COL24A1: variants seen among roughly 807,000 people sequenced by gnomAD.
COL24A1 encodes the protein collagen alpha-1(XXIV) chain.
A neutral mutation model predicts 253.9 loss-of-function variants in COL24A1; 224 were observed. That is an observed-to-expected ratio of 0.88 (90% CI 0.79 to 0.99). The LOEUF (loss-of-function observed/expected upper bound fraction) is 0.99, where lower values mean the gene tolerates loss of function less well. Ranked by LOEUF, COL24A1 falls within the 50% of genes least tolerant of loss-of-function variation. COL24A1 has a pLI of 0.00. For synonymous variants in COL24A1, 685 were observed against 673.7 expected (o/e 1.02, Z -0.26); for missense variants, 2,131 against 2,068.5 (o/e 1.03, Z -0.59).
intron 5 of COL24A1, among the ~76,000 whole-genome samples, chr1:86,107,962 A>C (rs1338739505): frequency 6.6e-6 from 1 of 152,064 alleles, no homozygotes; most frequent in Non-Finnish European, 1.5e-5. Flanking sequence ...CAAGAGGCCT[A>C]AGTTTTTGCA....
At chr1:85,867,510 A>AT (rs1679923872) in intron 37 of COL24A1, among the ~76,000 whole-genome samples, 1 of 152,194 alleles carries the variant, frequency 6.6e-6, no homozygotes, top group Non-Finnish European at 1.5e-5. Flanking sequence ...AAGAGAAACC[A>AT]TTTTCTGGTA....
At chr1:85,902,843 G>A (rs1684451176) in intron 28 of COL24A1, among the ~76,000 whole-genome samples, 1 of 152,174 alleles carries the variant, frequency 6.6e-6, no homozygotes, top group Non-Finnish European at 1.5e-5. Context: ...TTCAATAACA[G>A]AGTAGGGTGA....
intron 58 of COL24A1, chr1:85,736,235 C>T: frequency 2.2e-6 from 1 of 450,962 alleles, no homozygotes; most frequent in Non-Finnish European, 4.5e-6. Context: ...ACCCCAGTCC[C>T]TGATTCCAAG....
chr1:85,911,116 A>G (rs537837726), intron 25 of COL24A1, among the ~76,000 whole-genome samples: 1 of 152,138 alleles, frequency 6.6e-6, no homozygotes, highest in East Asian at 1.9e-4. Flanking sequence ...GTCGATTTAC[A>G]TAATATTTTC....
Position 85,971,339 on chromosome 1 carries a change from C to A in COL24A1, c.2418+1G>T, listed in dbSNP as rs1330918368. On this transcript the variant is annotated splice_donor_variant, in intron 21 of 59. Coordinates refer to ENST00000370571, the MANE Select transcript of COL24A1 (RefSeq NM_152890.7). LOFTEE classifies it high-confidence loss of function. ...CTGACTGGATATCACTTCTTCCATACCTGAGTTCCTTTGAGACCAGGAGGT... is the reference window on the plus strand; with the variant it reads ...CTGACTGGATATCACTTCTTCCATAACTGAGTTCCTTTGAGACCAGGAGGT... 5 of 1,611,926 alleles carry A rather than the reference C, an allele frequency of 3.1e-6. No homozygotes were observed. Among genetic ancestry groups the A allele is most frequent in the Non-Finnish European group, 4.2e-6 (5 of 1,179,152 alleles).
At chr1:86,019,856 C>CATTT (rs71078635) in intron 18 of COL24A1, among the ~76,000 whole-genome samples, 13,947 of 151,968 alleles carry the variant, frequency 0.092, 854 homozygotes, top group Non-Finnish European at 0.13. Flanking sequence ...ACATCATTAG[C>CATTT]ATTTATTGTG....
chr1:85,867,073 A>G (rs1679876609), intron 37 of COL24A1, among the ~76,000 whole-genome samples: 1 of 152,200 alleles, frequency 6.6e-6, no homozygotes, highest in Non-Finnish European at 1.5e-5. Flanking sequence ...CATTGATAAA[A>G]ATGAATGGTA....
At chr1:85,740,171 A>G (rs572131675) in intron 57 of COL24A1, among the ~76,000 whole-genome samples, 12 of 152,202 alleles carry the variant, frequency 7.9e-5, no homozygotes, top group Non-Finnish European at 1.6e-4. Flanking sequence ...CTGCACAGAA[A>G]AAAGTGGTAG....
intron 3 of COL24A1, among the ~76,000 whole-genome samples, chr1:86,120,558 T>C (rs1308088922): frequency 6.6e-6 from 1 of 152,266 alleles, no homozygotes; most frequent in South Asian, 2.1e-4. Flanking sequence ...TCATCACTGG[T>C]CATCAGATAA....
intron 24 of COL24A1, among the ~76,000 whole-genome samples, chr1:85,934,639 T>C (rs1365712259): frequency 1.3e-5 from 2 of 152,140 alleles, no homozygotes; most frequent in South Asian, 2.1e-4. Context: ...TGAACTACTA[T>C]AGAATAGCAG....
chr1:86,141,190 C>T (rs1651017581), intron 2 of COL24A1, among the ~76,000 whole-genome samples: 1 of 152,128 alleles, frequency 6.6e-6, no homozygotes. Context: ...GCTTCAGAGG[C>T]AAATGCTAAT....
chr1:86,101,577 T>C (rs1704458782), intron 5 of COL24A1, among the ~76,000 whole-genome samples: 1 of 152,204 alleles, frequency 6.6e-6, no homozygotes, highest in Non-Finnish European at 1.5e-5. Context: ...GCCAGGTTTA[T>C]TGAGAGTTTT....
chr1:85,866,605 C>G (rs1441901878), intron 37 of COL24A1, among the ~76,000 whole-genome samples: 1 of 151,412 alleles, frequency 6.6e-6, no homozygotes, highest in Non-Finnish European at 1.5e-5. Flanking sequence ...AAAACCCCGT[C>G]TCTACTAAAA....
At chr1:85,774,250 T>G (rs1668292367) in intron 53 of COL24A1, among the ~76,000 whole-genome samples, 1 of 152,196 alleles carries the variant, frequency 6.6e-6, no homozygotes, top group African/African-American at 2.4e-5. Context: ...AGCTTTTTGA[T>G]GTACTGCTGG....
chr1:85,899,310 T>C (rs757407257), intron 28 of COL24A1, among the ~76,000 whole-genome samples: 1 of 152,200 alleles, frequency 6.6e-6, no homozygotes, highest in East Asian at 1.9e-4. Context: ...AGGTCTAAAT[T>C]GAAAATGTGT....
At chr1:85,814,753 A>C (rs980373935) in intron 47 of COL24A1, among the ~76,000 whole-genome samples, 3 of 152,056 alleles carry the variant, frequency 2.0e-5, no homozygotes, top group Non-Finnish European at 4.4e-5. Context: ...GTTGTTTGTC[A>C]TAATGAACCA....
chr1:86,046,914 ATTAGG>A, intron 11 of COL24A1, 45 bp from the exon 12 acceptor site: 2 of 1,024,482 alleles, frequency 2.0e-6, no homozygotes, highest in Non-Finnish European at 3.1e-6. Flanking sequence ...GAATGAATGA[ATTAGG>A]TACTATAGAT....
chr1:85,927,270 A>T (rs1687392738), intron 24 of COL24A1, among the ~76,000 whole-genome samples: 2 of 152,178 alleles, frequency 1.3e-5, no homozygotes, highest in Admixed American at 1.3e-4. Flanking sequence ...CTCACCTGGG[A>T]AGCGCAAGGA....
At chr1:85,888,716 T>A (rs934990557) in intron 32 of COL24A1, among the ~76,000 whole-genome samples, 4 of 152,094 alleles carry the variant, frequency 2.6e-5, no homozygotes, top group African/African-American at 9.7e-5. Context: ...AAATCTTCAC[T>A]TATTGTTTGA....
Sources: gnomAD v4.1 joint callset for allele counts (sites outside exome capture counted in the v4.1 genomes callset) on GRCh38, gnomAD v4.1.1 for gene constraint, MANE v1.5 for transcripts, NCBI Gene and HGNC (gene_info 2026-07-23, HGNC 2026-07-21) for gene names.